Variants in RAD51B observed in about 807,000 individuals in gnomAD.
The protein encoded by RAD51B is DNA repair protein RAD51 homolog 2.
In RAD51B, 38 loss-of-function variants were observed where a neutral mutation model predicts 42.2. The observed-to-expected ratio is 0.90, with a 90% CI of 0.70 to 1.18. The LOEUF is 1.18. RAD51B is among the 50% of genes most tolerant of loss of function. The pLI, the probability that RAD51B is intolerant of heterozygous loss-of-function variation, is 0.00. For missense variants in RAD51B, 373 were observed against 400.7 expected, an observed-to-expected ratio of 0.93 and a Z score of 0.59; for synonymous variants, 154 against 145.2, an observed-to-expected ratio of 1.06 and a Z score of -0.43.
At chr14:68,072,155 TA>T (rs575192845) in intron 7 of RAD51B, among the ~76,000 whole-genome samples, 3,127 of 136,084 alleles carry the variant, frequency 0.023, 86 homozygotes, top group African/African-American at 0.055. Context: ...ATTTTATATA[TA>T]TTTTTTTCTA....
At chr14:68,058,450 A>G (rs1483384370) in intron 7 of RAD51B, among the ~76,000 whole-genome samples, 3 of 152,098 alleles carry the variant, frequency 2.0e-5, no homozygotes, top group African/African-American at 4.8e-5. Flanking sequence ...CTCCCTCTTT[A>G]CCACTGTTAT....
At chr14:68,347,141 T>C (rs1356174264) in intron 8 of RAD51B, among the ~76,000 whole-genome samples, 1 of 152,224 alleles carries the variant, frequency 6.6e-6, no homozygotes, top group Non-Finnish European at 1.5e-5. Context: ...TTCGCTAGAC[T>C]GAAAGATCTT....
chr14:68,658,490 A>G (rs566086782), intron 11 of RAD51B, among the ~76,000 whole-genome samples: 2 of 152,236 alleles, frequency 1.3e-5, no homozygotes, highest in Non-Finnish European at 2.9e-5. Flanking sequence ...CAGCCGTCAT[A>G]GTGCCAAGGA....
chr14:68,465,940 C>CAAAAA (rs59348577), intron 9 of RAD51B, among the ~76,000 whole-genome samples: 95 of 129,350 alleles, frequency 7.3e-4, no homozygotes, highest in Non-Finnish European at 1.2e-3. Flanking sequence ...GACTCTGTCT[C>CAAAAA]AAAAAAAAAA....
intron 4 of RAD51B, among the ~76,000 whole-genome samples, chr14:67,846,738 A>G (rs767028218): frequency 2.0e-5 from 3 of 152,116 alleles, no homozygotes; most frequent in Non-Finnish European, 4.4e-5. Context: ...CTTTGATTGG[A>G]CTGGCTCCAT....
chr14:68,330,613 G>T (rs979702920), intron 8 of RAD51B, among the ~76,000 whole-genome samples: 4 of 152,118 alleles, frequency 2.6e-5, no homozygotes, highest in African/African-American at 9.7e-5. Flanking sequence ...GTGTCATTCT[G>T]CCCAGGAGTT....
At chr14:67,893,509 C>CACA (rs1486364425) in intron 7 of RAD51B, among the ~76,000 whole-genome samples, 1 of 83,770 alleles carries the variant, frequency 1.2e-5, no homozygotes. Flanking sequence ...CACACACACA[C>CACA]AAAAAAAAAC....
chr14:68,509,024 C>G (rs1414553478), intron 10 of RAD51B, among the ~76,000 whole-genome samples: 1 of 152,190 alleles, frequency 6.6e-6, no homozygotes, highest in Non-Finnish European at 1.5e-5. Context: ...TGCCTGAAGG[C>G]AAGAGCTGTC....
Position 67,902,948 on chromosome 14 carries a change from C to CA in RAD51B, c.756+15745dup, listed in dbSNP as rs201558922. 8.2e-3 allele frequency among the ~76,000 whole-genome samples: 1,247 copies of CA among 152,094 alleles called. 16 individuals carry two copies. The highest frequency in any genetic ancestry group is 0.028 in the African/African-American group (1,169 of 41,476). Reference sequence around the variant, plus strand: ...CACTGTGACCTCCACCTCCTGGATTCAGGCAATTCTCTTGCCTAAGCCTCC... The same window carrying CA: ...CACTGTGACCTCCACCTCCTGGATTCAAGGCAATTCTCTTGCCTAAGCCTCC... On this transcript the variant is annotated intron_variant, in intron 7 of 10. Coordinates refer to ENST00000471583, the MANE Select transcript of RAD51B (RefSeq NM_133510.4).
At chr14:68,680,721 C>T (rs188847074) in intron 11 of RAD51B, among the ~76,000 whole-genome samples, 3 of 152,244 alleles carry the variant, frequency 2.0e-5, no homozygotes, top group East Asian at 1.9e-4. Flanking sequence ...AAATAAACAA[C>T]GTCAACAGCT....
intron 7 of RAD51B, among the ~76,000 whole-genome samples, chr14:68,134,326 T>C (rs1489438786): frequency 1.3e-5 from 2 of 152,202 alleles, no homozygotes; most frequent in East Asian, 1.9e-4. Flanking sequence ...GGATGTACCA[T>C]AGTTTGTTTA....
chr14:68,334,209 GCTT>G (rs989069540), intron 8 of RAD51B, among the ~76,000 whole-genome samples: 2 of 152,014 alleles, frequency 1.3e-5, no homozygotes, highest in Non-Finnish European at 2.9e-5. Flanking sequence ...ATACCTTTTG[GCTT>G]CTCCAAAACT....
chr14:68,449,177 A>G (rs1026399599), intron 9 of RAD51B, among the ~76,000 whole-genome samples: 1 of 152,242 alleles, frequency 6.6e-6, no homozygotes, highest in Non-Finnish European at 1.5e-5. Context: ...AAAAACTCAT[A>G]TCAGGAAAAT....
chr14:67,984,268 G>A (rs1351232502), intron 7 of RAD51B, among the ~76,000 whole-genome samples: 2 of 152,010 alleles, frequency 1.3e-5, no homozygotes, highest in African/African-American at 2.4e-5. Context: ...ATTTAGTTTC[G>A]TTCTTAGAAG....
chr14:67,978,585 C>A (rs545101940), intron 7 of RAD51B, among the ~76,000 whole-genome samples: 1 of 152,256 alleles, frequency 6.6e-6, no homozygotes, highest in East Asian at 1.9e-4. Flanking sequence ...GGAGAAGAGA[C>A]AGTGTGAAGG....
chr14:68,437,269 A>G (rs574635750), intron 9 of RAD51B, among the ~76,000 whole-genome samples: 179 of 152,298 alleles, frequency 1.2e-3, no homozygotes, highest in African/African-American at 4.1e-3. Flanking sequence ...AGATGATCAT[A>G]TGGTTTTTCT....
At chr14:67,862,423 A>G (rs995166190) in intron 4 of RAD51B, among the ~76,000 whole-genome samples, 4 of 151,982 alleles carry the variant, frequency 2.6e-5, no homozygotes, top group Non-Finnish European at 4.4e-5. Flanking sequence ...TGTAAGCAAA[A>G]AAAAAAAAAA....
At chr14:68,260,319 G>GTGTGTGTGT (rs1555383057) in intron 7 of RAD51B, among the ~76,000 whole-genome samples, 9 of 136,216 alleles carry the variant, frequency 6.6e-5, no homozygotes, top group Non-Finnish European at 1.2e-4. Context: ...GTGTGTGTGT[G>GTGTGTGTGT]GAGAGGGGAA....
At chr14:67,900,509 A>G (rs1385128974) in intron 7 of RAD51B, among the ~76,000 whole-genome samples, 2 of 151,798 alleles carry the variant, frequency 1.3e-5, no homozygotes, top group Non-Finnish European at 2.9e-5. Flanking sequence ...CGTAAAATTC[A>G]CTGTTCATGA....
Sources: gnomAD v4.1 joint callset for allele counts (sites outside exome capture counted in the v4.1 genomes callset) on GRCh38, gnomAD v4.1.1 for gene constraint, MANE v1.5 for transcripts, NCBI Gene and HGNC (gene_info 2026-07-23, HGNC 2026-07-21) for gene names.